The following ERO1B variants were observed in gnomAD, a reference collection of about 807,000 sequenced individuals.
ERO1B encodes ERO1-like protein beta.
A neutral mutation model predicts 75.3 loss-of-function variants in ERO1B; 49 were observed. That is an observed-to-expected ratio of 0.65 (90% CI 0.52 to 0.83). ERO1B has a LOEUF of 0.83. Ranked by LOEUF, ERO1B falls within the 40% of genes least tolerant of loss-of-function variation. The pLI is 0.00. For synonymous variants in ERO1B, 191 were observed against 192.9 expected (o/e 0.99, Z 0.08); for missense variants, 512 against 560.1 (o/e 0.91, Z 0.87).
intron 1 of ERO1B, among the ~76,000 whole-genome samples, chr1:236,281,048 C>G (rs1665817897): frequency 6.6e-6 from 1 of 152,238 alleles, no homozygotes; most frequent in African/African-American, 2.4e-5. Flanking sequence ...CAACGCCCCA[C>G]TCAGACCCCC....
chr1:236,276,967 C>G (rs1346126043), intron 1 of ERO1B, among the ~76,000 whole-genome samples: 1 of 152,178 alleles, frequency 6.6e-6, no homozygotes, highest in Non-Finnish European at 1.5e-5. Context: ...CTCATGAGAT[C>G]TGGTTGTTTA....
intron 2 of ERO1B, among the ~76,000 whole-genome samples, chr1:236,263,368 C>T (rs1665336814): frequency 6.6e-6 from 1 of 152,046 alleles, no homozygotes; most frequent in Non-Finnish European, 1.5e-5. Context: ...CCCACCTCAG[C>T]CTCCCAAGTA....
At chr1:236,260,573 G>A (rs928373459) in intron 2 of ERO1B, among the ~76,000 whole-genome samples, 1 of 151,696 alleles carries the variant, frequency 6.6e-6, no homozygotes, top group African/African-American at 2.4e-5. Context: ...GCTGAGGCAG[G>A]AGAATCACTT....
At chr1:236,231,402 G>A (rs1664403865) in intron 9 of ERO1B, among the ~76,000 whole-genome samples, 1 of 149,250 alleles carries the variant, frequency 6.7e-6, no homozygotes, top group Non-Finnish European at 1.5e-5. Context: ...AAATTGCTGC[G>A]ATTTTAAGTG....
intron 15 of ERO1B, 172 bp downstream of exon 15, chr1:236,220,660 C>A: frequency 2.0e-6 from 1 of 501,458 alleles, no homozygotes; most frequent in Non-Finnish European, 3.2e-6. Context: ...TTCCTATGAC[C>A]TGTAGAGAAA....
intron 5 of ERO1B, among the ~76,000 whole-genome samples, chr1:236,248,457 C>A (rs1358495118): frequency 2.0e-5 from 3 of 152,054 alleles, no homozygotes; most frequent in Non-Finnish European, 4.4e-5. Context: ...TGGGAATGCT[C>A]AAGGTGGCAT....
At chr1:236,247,724 T>A (rs1664919810) in intron 5 of ERO1B, among the ~76,000 whole-genome samples, 1 of 152,154 alleles carries the variant, frequency 6.6e-6, no homozygotes, top group African/African-American at 2.4e-5. Flanking sequence ...ATCCCTAGCA[T>A]CTTTTGACCT....
intron 5 of ERO1B, among the ~76,000 whole-genome samples, chr1:236,249,047 CAG>C (rs1475065584): frequency 7.5e-6 from 1 of 133,590 alleles, no homozygotes; most frequent in African/African-American, 2.8e-5. Flanking sequence ...TTTTTTGAGA[CAG>C]AGTCTCACTC....
intron 15 of ERO1B, among the ~76,000 whole-genome samples, chr1:236,219,761 C>T (rs907274545): frequency 6.6e-5 from 10 of 152,196 alleles, no homozygotes; most frequent in Admixed American, 3.9e-4. Flanking sequence ...TGGCTCATGC[C>T]TGTAATCCCA....
At chr1:236,243,891 TA>T (rs1327972970) in intron 5 of ERO1B, among the ~76,000 whole-genome samples, 1 of 152,188 alleles carries the variant, frequency 6.6e-6, no homozygotes, top group African/African-American at 2.4e-5. Context: ...TCTTTTAATT[TA>T]AATTGTGTCT....
chr1:236,239,833 ATGTG>A (rs377584301), intron 6 of ERO1B, among the ~76,000 whole-genome samples: 1 of 80,528 alleles, frequency 1.2e-5, no homozygotes, highest in Non-Finnish European at 2.7e-5. Context: ...GTGTATATAT[ATGTG>A]TATATATATA....
chr1:236,260,611 GC>G (rs1379344411), intron 2 of ERO1B, among the ~76,000 whole-genome samples: 1 of 151,068 alleles, frequency 6.6e-6, no homozygotes, highest in African/African-American at 2.4e-5. Flanking sequence ...GTTGCAATGA[GC>G]CGAGATCGCG....
In ERO1B at chr1:236,217,180, C is replaced by A. The variant is rs1267284352; in HGVS notation, c.*1336G>T. 1 of 152,006 alleles carries A rather than the reference C, an allele frequency of 6.6e-6. No homozygotes were observed. The highest frequency in any genetic ancestry group is 6.6e-5 in the Admixed American group (1 of 15,244). The allele number at this position is 152,006 out of a possible 1,614,324, so 9.4% of individuals were successfully genotyped here. A position where few individuals can be genotyped will look rare whatever the true frequency, so the allele number is the denominator to read the frequency against. On this transcript the variant is annotated 3_prime_UTR_variant, in exon 16 of 16. Coordinates refer to ENST00000354619, the MANE Select transcript of ERO1B (RefSeq NM_019891.4). ...AAATATGGATTTAAGAGCACTTATTCTTTAATTCAGAAAAGACTAAAGAGT... is the reference window on the plus strand; with the variant it reads ...AAATATGGATTTAAGAGCACTTATTATTTAATTCAGAAAAGACTAAAGAGT...
At chr1:236,239,801 A>G (rs11578456) in intron 6 of ERO1B, among the ~76,000 whole-genome samples, 4 of 121,420 alleles carry the variant, frequency 3.3e-5, no homozygotes, top group African/African-American at 1.2e-4. Flanking sequence ...ATATATATAT[A>G]TATATGTGTG....
intron 9 of ERO1B, among the ~76,000 whole-genome samples, 190 bp downstream of exon 9, chr1:236,232,636 CTT>C (rs3835673): frequency 6.9e-6 from 1 of 145,554 alleles, no homozygotes; most frequent in Non-Finnish European, 1.5e-5. Flanking sequence ...GAAAAATGGT[CTT>C]TTTTTTTTAA....
chr1:236,219,818 T>C (rs1193176437), intron 15 of ERO1B, among the ~76,000 whole-genome samples: 2 of 151,988 alleles, frequency 1.3e-5, no homozygotes, highest in East Asian at 3.9e-4. Flanking sequence ...GCCAGGTGTT[T>C]GAGACCAGAC....
rs754976779 is a variant in ERO1B at position 236,216,322 on chromosome 1, C to T, written c.*2194G>A. On this transcript the variant is annotated 3_prime_UTR_variant, in exon 16 of 16. Coordinates refer to ENST00000354619, the MANE Select transcript of ERO1B (RefSeq NM_019891.4). Reference sequence around the variant, plus strand: ...AGTACTCTAGTATAATATCACTTCACGACAAAAGATGTGAATTGGAAAAAC... The same window carrying T: ...AGTACTCTAGTATAATATCACTTCATGACAAAAGATGTGAATTGGAAAAAC... The T allele has an allele frequency of 3.3e-5, 5 of 151,934 alleles. No homozygotes were observed. Among genetic ancestry groups the T allele is most frequent in the African/African-American group, 4.8e-5 (2 of 41,370 alleles). 9.4% of individuals were successfully genotyped at this position (151,934 alleles called of 1,614,324 possible). A position where few individuals can be genotyped will look rare whatever the true frequency, so the allele number is the denominator to read the frequency against.
chr1:236,226,570 G>A, intron 11 of ERO1B, 55 bp from the exon 12 acceptor site: 2 of 1,593,536 alleles, frequency 1.3e-6, no homozygotes, highest in Non-Finnish European at 1.7e-6. Flanking sequence ...TTTTTTTTCT[G>A]CTCTAAAGAA....
intron 2 of ERO1B, among the ~76,000 whole-genome samples, chr1:236,258,162 A>AAAC (rs1553373457): frequency 4.4e-5 from 6 of 136,292 alleles, no homozygotes; most frequent in Non-Finnish European, 7.8e-5. Flanking sequence ...AAAAAAAAAA[A>AAAC]ACCCAGCCAG....
Sources: allele counts gnomAD v4.1 joint callset (sites outside exome capture counted in the v4.1 genomes callset), GRCh38; gene constraint gnomAD v4.1.1; transcripts MANE v1.5; gene names NCBI Gene and HGNC (gene_info 2026-07-23, HGNC 2026-07-21).